Variants in GPC5 observed in about 807,000 individuals in gnomAD.
GPC5 encodes the protein glypican-5.
GPC5 carries 47 observed loss-of-function variants against 53.9 expected under a neutral mutation model. The ratio of observed to expected loss-of-function variants is 0.87; its 90% CI spans 0.69 to 1.11. GPC5 has a LOEUF of 1.11. Ranked by LOEUF, GPC5 falls within the 50% of genes most tolerant of loss-of-function variation. The pLI, the probability that GPC5 is intolerant of heterozygous loss-of-function variation, is 0.00. For missense variants in GPC5, 748 were observed against 713.1 expected, an observed-to-expected ratio of 1.05 and a Z score of -0.56; for synonymous variants, 286 against 263.3, an observed-to-expected ratio of 1.09 and a Z score of -0.84.
intron 7 of GPC5, among the ~76,000 whole-genome samples, chr13:92,586,947 TACACAC>T (rs751189074): frequency 7.1e-6 from 1 of 140,870 alleles, no homozygotes; most frequent in Non-Finnish European, 1.5e-5. Flanking sequence ...CTCTCTTGCA[TACACAC>T]ACACACACAC....
At chr13:92,375,263 T>C (rs978426733) in intron 7 of GPC5, among the ~76,000 whole-genome samples, 75 of 152,216 alleles carry the variant, frequency 4.9e-4, no homozygotes, top group Non-Finnish European at 1.5e-4. Flanking sequence ...AGATTATGGG[T>C]GACAAGGAAA....
chr13:92,571,213 A>G (rs1010044520), intron 7 of GPC5, among the ~76,000 whole-genome samples: 2 of 152,214 alleles, frequency 1.3e-5, no homozygotes, highest in African/African-American at 4.8e-5. Flanking sequence ...TTAGACTCAT[A>G]TCTCACATGT....
chr13:92,057,119 T>G (rs1188436676), intron 6 of GPC5, among the ~76,000 whole-genome samples: 1 of 152,166 alleles, frequency 6.6e-6, no homozygotes, highest in African/African-American at 2.4e-5. Flanking sequence ...ATAGAAATGA[T>G]GCCAATTGAT....
intron 2 of GPC5, among the ~76,000 whole-genome samples, chr13:91,667,726 G>A (rs1304210955): frequency 6.6e-6 from 1 of 152,192 alleles, no homozygotes; most frequent in African/African-American, 2.4e-5. Flanking sequence ...TCAGGTCTGG[G>A]TGGGAGAGTA....
intron 2 of GPC5, among the ~76,000 whole-genome samples, chr13:91,455,337 G>A (rs930960179): frequency 2.6e-5 from 4 of 152,020 alleles, no homozygotes; most frequent in East Asian, 3.9e-4. Context: ...TGTGTGCATT[G>A]TCATATTTTC....
intron 7 of GPC5, among the ~76,000 whole-genome samples, chr13:92,796,852 C>T (rs1216653665): frequency 6.6e-6 from 1 of 151,934 alleles, no homozygotes; most frequent in Non-Finnish European, 1.5e-5. Flanking sequence ...AAATAACCCT[C>T]ACATTTCTAA....
At chr13:91,608,881 C>G (rs2033458687) in intron 2 of GPC5, among the ~76,000 whole-genome samples, 1 of 150,856 alleles carries the variant, frequency 6.6e-6, no homozygotes, top group African/African-American at 2.4e-5. Flanking sequence ...ATTTGCTTTC[C>G]CCTTTGATCA....
chr13:92,658,919 GTTTTGT>G (rs1157955000), intron 7 of GPC5: 2 of 96,048 alleles, frequency 2.1e-5, no homozygotes, highest in African/African-American at 7.0e-5. Flanking sequence ...AGTTGTATAT[GTTTTGT>G]TTTTTTTTTT....
At chr13:92,247,676 T>TA (rs907441449) in intron 7 of GPC5, among the ~76,000 whole-genome samples, 1 of 152,162 alleles carries the variant, frequency 6.6e-6, no homozygotes. Context: ...GTGATTTGTG[T>TA]GTGTCTGTGA....
chr13:91,492,541 C>CT (rs1327465322), intron 2 of GPC5, among the ~76,000 whole-genome samples: 5 of 152,214 alleles, frequency 3.3e-5, no homozygotes, highest in Non-Finnish European at 7.4e-5. Flanking sequence ...CTGAGTTCGC[C>CT]TTTTTTCTGT....
intron 7 of GPC5, among the ~76,000 whole-genome samples, chr13:92,587,851 T>C (rs1883586813): frequency 6.6e-6 from 1 of 152,102 alleles, no homozygotes; most frequent in Non-Finnish European, 1.5e-5. Context: ...AGGTGTAATA[T>C]GCTGGTTGGA....
chr13:92,857,127 G>A (rs993262721), intron 7 of GPC5, among the ~76,000 whole-genome samples: 3 of 151,802 alleles, frequency 2.0e-5, no homozygotes, highest in South Asian at 2.1e-4. Flanking sequence ...AAACACAGAC[G>A]AAATGGAACA....
intron 5 of GPC5, among the ~76,000 whole-genome samples, chr13:91,907,503 T>TTTATATATATA (rs1555296011): frequency 7.7e-6 from 1 of 129,554 alleles, no homozygotes; most frequent in Non-Finnish European, 1.6e-5. Flanking sequence ...CTCTCTCTCT[T>TTTATATATATA]TATATATATA....
At chr13:91,981,338 G>A (rs1182133485) in intron 6 of GPC5, among the ~76,000 whole-genome samples, 1 of 150,980 alleles carries the variant, frequency 6.6e-6, no homozygotes. Context: ...CGCCCAGGCT[G>A]GAGTGCAGTG....
chr13:92,271,598 T>C (rs2042840339), intron 7 of GPC5, among the ~76,000 whole-genome samples: 1 of 152,318 alleles, frequency 6.6e-6, no homozygotes, highest in South Asian at 2.1e-4. Context: ...TGTAATCCTC[T>C]AAATATATTA....
chr13:92,468,110 C>T (rs1416261651), intron 7 of GPC5, among the ~76,000 whole-genome samples: 2 of 151,808 alleles, frequency 1.3e-5, no homozygotes, highest in African/African-American at 4.8e-5. Context: ...GTATGAAATC[C>T]AACTCTTTAT....
intron 7 of GPC5, among the ~76,000 whole-genome samples, chr13:92,299,671 C>A (rs1674291166): frequency 6.6e-6 from 1 of 152,046 alleles, no homozygotes; most frequent in Admixed American, 6.5e-5. Context: ...TGAAGCCCCC[C>A]AAAAAGTAAA....
At chr13:92,085,018 T>C (rs1308161693) in intron 6 of GPC5, among the ~76,000 whole-genome samples, 1 of 152,170 alleles carries the variant, frequency 6.6e-6, no homozygotes, top group Non-Finnish European at 1.5e-5. Context: ...TGTCCTTACA[T>C]GGTGGAAGGG....
chr13:92,523,377 T>C (rs1012376570), intron 7 of GPC5, among the ~76,000 whole-genome samples: 3 of 152,138 alleles, frequency 2.0e-5, no homozygotes, highest in Admixed American at 6.6e-5. Context: ...TCTATCCTTT[T>C]ATAGCAAAAA....
Sources: gnomAD v4.1 joint callset for allele counts (sites outside exome capture counted in the v4.1 genomes callset) on GRCh38, gnomAD v4.1.1 for gene constraint, MANE v1.5 for transcripts, NCBI Gene and HGNC (gene_info 2026-07-23, HGNC 2026-07-21) for gene names.